AGBL1: variants seen among roughly 807,000 people sequenced by gnomAD.
The protein encoded by AGBL1 is cytosolic carboxypeptidase 4.
A neutral mutation model predicts 118.9 loss-of-function variants in AGBL1; 130 were observed. The observed-to-expected ratio is 1.09, with a 90% confidence interval of 0.95 to 1.26. AGBL1 has a LOEUF of 1.26. Ranked by LOEUF, AGBL1 falls within the 50% of genes most tolerant of loss-of-function variation. The pLI, the probability that AGBL1 is intolerant of heterozygous loss-of-function variation, is 0.00. For missense variants in AGBL1, 1,584 were observed against 1,298.1 expected (o/e 1.22, Z -3.38); for synonymous variants, 555 against 478.9 (o/e 1.16, Z -2.08).
chr15:86,636,735 A>ATC (rs2085097952), intron 21 of AGBL1, among the ~76,000 whole-genome samples: 1 of 53,326 alleles, frequency 1.9e-5, no homozygotes, highest in African/African-American at 9.7e-5. Flanking sequence ...ATATATATAT[A>ATC]TATATATATA....
chr15:86,607,014 C>G (rs909002136), intron 21 of AGBL1, among the ~76,000 whole-genome samples: 6 of 148,140 alleles, frequency 4.1e-5, no homozygotes, highest in Admixed American at 1.3e-4. Context: ...TTTAAAAACT[C>G]TCTCCATAGT....
At chr15:86,449,274 T>C (rs2082164110) in intron 18 of AGBL1, among the ~76,000 whole-genome samples, 1 of 152,154 alleles carries the variant, frequency 6.6e-6, no homozygotes, top group Non-Finnish European at 1.5e-5. Flanking sequence ...TACATGAATA[T>C]ACCTTAGAAG....
intron 1 of AGBL1, among the ~76,000 whole-genome samples, chr15:86,090,624 T>C (rs148867989): frequency 6.6e-6 from 1 of 152,234 alleles, no homozygotes; most frequent in Non-Finnish European, 1.5e-5. Flanking sequence ...TTTAAATAAA[T>C]AGAAGTACGT....
At chr15:86,769,680 G>C (rs565844185) in intron 22 of AGBL1, among the ~76,000 whole-genome samples, 3 of 152,142 alleles carry the variant, frequency 2.0e-5, no homozygotes, top group Non-Finnish European at 2.9e-5. Flanking sequence ...GGTAGCATTT[G>C]CTGTTAATGG....
intron 18 of AGBL1, among the ~76,000 whole-genome samples, chr15:86,514,667 C>T (rs908148701): frequency 3.0e-4 from 46 of 152,114 alleles, no homozygotes; most frequent in African/African-American, 9.6e-4. Flanking sequence ...AGGGAAATGT[C>T]ACTTGCCCCT....
chr15:86,594,842 C>G (rs1327525648), intron 21 of AGBL1, among the ~76,000 whole-genome samples: 1 of 152,198 alleles, frequency 6.6e-6, no homozygotes, highest in African/African-American at 2.4e-5. Flanking sequence ...TATACTCACT[C>G]TCGTTTTCTT....
At chr15:86,518,042 C>T (rs181265828) in intron 18 of AGBL1, among the ~76,000 whole-genome samples, 38 of 152,350 alleles carry the variant, frequency 2.5e-4, no homozygotes, top group African/African-American at 7.2e-4. Flanking sequence ...TGCTGTGCTG[C>T]AGGCACTAAT....
chr15:86,657,921 T>G (rs780866398), intron 21 of AGBL1, among the ~76,000 whole-genome samples: 5 of 151,696 alleles, frequency 3.3e-5, no homozygotes, highest in South Asian at 2.1e-4. Context: ...GGGATGCAAG[T>G]CTCCTGCTTA....
chr15:86,755,423 G>A (rs2077921639), intron 22 of AGBL1, among the ~76,000 whole-genome samples: 1 of 152,014 alleles, frequency 6.6e-6, no homozygotes. Context: ...TAGAGTGGTG[G>A]GTGAAAAGCA....
At chr15:86,822,157 T>C (rs528354400) in intron 22 of AGBL1, among the ~76,000 whole-genome samples, 4 of 152,286 alleles carry the variant, frequency 2.6e-5, no homozygotes, top group Admixed American at 2.6e-4. Flanking sequence ...ATTTGCCTCC[T>C]TTTTTGCCCC....
chr15:86,619,585 A>C (rs16977848), intron 21 of AGBL1, among the ~76,000 whole-genome samples: 13,485 of 152,188 alleles, frequency 0.089, 1,573 homozygotes, highest in African/African-American at 0.27. Flanking sequence ...GCTGCTGGTC[A>C]GTGCAGTCCT....
intron 22 of AGBL1, among the ~76,000 whole-genome samples, chr15:86,901,326 T>C (rs2080209217): frequency 6.6e-6 from 1 of 152,160 alleles, no homozygotes; most frequent in Admixed American, 6.5e-5. Context: ...GATATTTTCA[T>C]AATGTATTTT....
chr15:86,834,299 C>A (rs2079143832), intron 22 of AGBL1, among the ~76,000 whole-genome samples: 2 of 152,132 alleles, frequency 1.3e-5, no homozygotes, highest in East Asian at 1.9e-4. Context: ...ATCAGGCAAG[C>A]AACCCAGACC....
In AGBL1 at chr15:86,460,318, CAAAAAAAAAAAA is replaced by C. The variant is rs1168019827; in HGVS notation, c.2556-62474_2556-62463del. Among the ~76,000 whole-genome samples the C allele has an allele frequency of 2.5e-4, 9 of 36,602 alleles. No homozygotes were observed. In the East Asian group the frequency reaches 6.2e-3, roughly 25 times the overall value. 24.0% of individuals were successfully genotyped at this position (36,602 alleles called of 152,430 possible). On this transcript the variant is annotated intron_variant, in intron 18 of 22. Coordinates refer to ENST00000614907, the MANE Select transcript of AGBL1 (RefSeq NM_001386094.1). ...GCAACATAGAAAGACCCTATCTCTA[CAAAAAAAAAAAA>C]AAAAAAAAAAAAAAAAATAGCCAGG...
At chr15:86,744,707 G>C (rs1040647722) in intron 22 of AGBL1, among the ~76,000 whole-genome samples, 13 of 152,112 alleles carry the variant, frequency 8.5e-5, no homozygotes, top group Admixed American at 7.2e-4. Context: ...TTTGCACTGA[G>C]TCCTGAGACT....
At chr15:86,503,583 A>G (rs2082941275) in intron 18 of AGBL1, among the ~76,000 whole-genome samples, 6 of 150,634 alleles carry the variant, frequency 4.0e-5, no homozygotes, top group Admixed American at 4.0e-4. Flanking sequence ...ACAAATATGT[A>G]TTTTTTCTGC....
chr15:86,106,816 C>T (rs1403338444), intron 1 of AGBL1, among the ~76,000 whole-genome samples: 1 of 152,176 alleles, frequency 6.6e-6, no homozygotes. Context: ...CTTGCTAGTT[C>T]TTGGAGTTGC....
intron 22 of AGBL1, among the ~76,000 whole-genome samples, chr15:86,822,294 C>T (rs2141390813): frequency 6.6e-6 from 1 of 152,138 alleles, no homozygotes; most frequent in East Asian, 1.9e-4. Flanking sequence ...CTATTATCCC[C>T]TGTTCTTCTC....
chr15:86,658,750 C>T (rs2085497487), intron 21 of AGBL1, among the ~76,000 whole-genome samples: 1 of 152,030 alleles, frequency 6.6e-6, no homozygotes, highest in African/African-American at 2.4e-5. Context: ...GATATTTGGC[C>T]CATAACCCCA....
Sources: allele counts gnomAD v4.1 joint callset (sites outside exome capture counted in the v4.1 genomes callset), GRCh38; gene constraint gnomAD v4.1.1; transcripts MANE v1.5; gene names NCBI Gene and HGNC (gene_info 2026-07-23, HGNC 2026-07-21).